Variants in KRT79 observed in about 807,000 individuals in gnomAD.
The protein encoded by KRT79 is keratin, type II cytoskeletal 79.
A neutral mutation model predicts 49.0 loss-of-function variants in KRT79; 51 were observed. That is an observed-to-expected ratio of 1.04 (90% CI 0.83 to 1.31). The LOEUF (loss-of-function observed/expected upper bound fraction) is 1.31. Among genes scored for constraint, KRT79 ranks in the 40% most tolerant of loss-of-function variants. The probability of loss-of-function intolerance (pLI) is 0.00; values close to 1 mark genes in which losing one functional copy is unlikely to be tolerated. For missense variants in KRT79, 728 were observed against 688.0 expected (o/e 1.06, Z -0.65); for synonymous variants, 312 against 286.6 (o/e 1.09, Z -0.90).
At chr12:52,829,907 A>G in intron 4 of KRT79, 116 bp downstream of exon 4, 1 of 853,806 alleles carries the variant, frequency 1.2e-6, no homozygotes, top group Non-Finnish European at 1.9e-6. Flanking sequence ...AAAAGTGTTA[A>G]GGTTTCATCT....
Position 52,833,288 on chromosome 12 carries a change from G to C in KRT79, c.477+496C>G, listed in dbSNP as rs548137979. ...CCCCACCCACACACAACTGTGTTTT[G>C]ATCACATCTTGCCCTTAAGCCTCCT... is the stretch of plus-strand genomic sequence containing the variant. On this transcript the variant is annotated intron_variant, in intron 1 of 8. Transcript: ENST00000330553. 1.6e-4 allele frequency among the ~76,000 whole-genome samples: 24 copies of C among 152,290 alleles called. No homozygotes were observed. The South Asian group carries it at 3.9e-3, about 25-fold the overall frequency.
intron 4 of KRT79, 31 bp from the exon 5 acceptor site, chr12:52,824,393 C>A (rs1333921272): frequency 5.0e-6 from 8 of 1,607,348 alleles, no homozygotes; most frequent in Non-Finnish European, 6.8e-6. Context: ...GCCACCAGCA[C>A]CCCTGCTCCA....
At chr12:52,822,237 G>T in intron 8 of KRT79, 108 bp downstream of exon 8, 2 of 1,329,030 alleles carry the variant, frequency 1.5e-6, no homozygotes, top group Non-Finnish European at 2.1e-6. Flanking sequence ...GTCTCCAGGG[G>T]CTCGAATGGA....
chr12:52,833,650 C>T (rs1300933286), intron 1 of KRT79, 134 bp downstream of exon 1: 2 of 786,556 alleles, frequency 2.5e-6, no homozygotes, highest in Non-Finnish European at 4.4e-6. Flanking sequence ...CAGGCTCAGA[C>T]CGGGAGAGCT....
chr12:52,831,344 T>C, intron 2 of KRT79, 62 bp downstream of exon 2: 1 of 1,502,738 alleles, frequency 6.7e-7, no homozygotes, highest in South Asian at 1.1e-5. Context: ...GTGGCCCTCT[T>C]GGCAGGTTTC....
At chr12:52,833,711 G>T in intron 1 of KRT79, 73 bp downstream of exon 1, 1 of 1,243,386 alleles carries the variant, frequency 8.0e-7, no homozygotes. Context: ...CAGCAGCCCT[G>T]GCCCAGCCCA....
intron 4 of KRT79, 80 bp downstream of exon 4, chr12:52,829,943 A>G: frequency 8.3e-7 from 1 of 1,198,586 alleles, no homozygotes; most frequent in Non-Finnish European, 1.2e-6. Flanking sequence ...GCACTGGTGA[A>G]TTCAGGTCAG....
intron 4 of KRT79, among the ~76,000 whole-genome samples, chr12:52,828,386 G>A (rs1220019828): frequency 2.0e-5 from 3 of 152,192 alleles, no homozygotes; most frequent in Non-Finnish European, 2.9e-5. Context: ...ACAGGACTTT[G>A]TTTTAGGCCC....
intron 4 of KRT79, among the ~76,000 whole-genome samples, chr12:52,826,745 T>A (rs1230173393): frequency 6.6e-6 from 1 of 151,998 alleles, no homozygotes; most frequent in Non-Finnish European, 1.5e-5. Context: ...GAGGCCACCA[T>A]GGAGGCTGCC....
intron 1 of KRT79, 125 bp from the exon 2 acceptor site, chr12:52,831,751 A>G: frequency 1.4e-6 from 1 of 728,024 alleles, no homozygotes. Flanking sequence ...CCGCACCTAC[A>G]CTTTGCTGTG....
intron 6 of KRT79, 72 bp from the exon 7 acceptor site, chr12:52,823,308 G>A (rs917148854): frequency 6.3e-6 from 8 of 1,263,112 alleles, no homozygotes; most frequent in Non-Finnish European, 8.0e-6. Flanking sequence ...CTCAAGCCAT[G>A]GAGACATCAT....
intron 7 of KRT79, 140 bp downstream of exon 7, chr12:52,822,876 A>G (rs1333921783): frequency 6.4e-5 from 49 of 763,232 alleles, no homozygotes; most frequent in South Asian, 2.2e-4. Flanking sequence ...AGTGGGCACA[A>G]GCAGATTTTC....
chr12:52,823,334 G>T, intron 6 of KRT79, 98 bp from the exon 7 acceptor site: 2 of 930,968 alleles, frequency 2.1e-6, no homozygotes, highest in Non-Finnish European at 3.4e-6. Context: ...CCACATCCCT[G>T]CCCCCAACCA....
intron 4 of KRT79, among the ~76,000 whole-genome samples, chr12:52,825,291 C>T (rs1413904740): frequency 6.6e-6 from 1 of 152,238 alleles, no homozygotes; most frequent in African/African-American, 2.4e-5. Context: ...TAAAACCCAA[C>T]ACCTCCCATA....
chr12:52,830,131 G>C lies in KRT79; in HGVS notation c.760-13C>G, dbSNP rs372542311. ...CTGCATCCACATCCTGGGGACGAGA[G>C]AGCAAGACAGATCCTCAGGCCCCAG... On this transcript the variant is annotated splice_polypyrimidine_tract_variant and intron_variant, in intron 3 of 8. Coordinates refer to ENST00000330553, the MANE Select transcript of KRT79 (RefSeq NM_175834.3). The C allele has an allele frequency of 1.9e-6, 3 of 1,613,718 alleles. No homozygotes were observed. The African/African-American group carries it at 4.0e-5, about 22-fold the overall frequency.
intron 7 of KRT79, among the ~76,000 whole-genome samples, chr12:52,822,810 A>G (rs79645587): frequency 0.012 from 1,876 of 152,272 alleles, 37 homozygotes; most frequent in African/African-American, 0.042. Flanking sequence ...CCGGGCTGTC[A>G]GCCACAGTAA....
chr12:52,829,990 A>G, intron 4 of KRT79, 33 bp downstream of exon 4: 1 of 1,578,992 alleles, frequency 6.3e-7, no homozygotes, highest in South Asian at 1.1e-5. Flanking sequence ...TTTATAGTGT[A>G]TGCAAACTCT....
At chr12:52,825,648 T>G (rs866586365) in intron 4 of KRT79, among the ~76,000 whole-genome samples, 2 of 152,214 alleles carry the variant, frequency 1.3e-5, no homozygotes, top group Non-Finnish European at 2.9e-5. Flanking sequence ...TCCATACTGA[T>G]GTAGATGTAG....
intron 7 of KRT79, 100 bp downstream of exon 7, chr12:52,822,916 G>A (rs770299261): frequency 1.7e-6 from 2 of 1,203,192 alleles, no homozygotes; most frequent in African/African-American, 3.1e-5. Flanking sequence ...CTTGCTCCCT[G>A]GTTCCTCTCT....
Sources: gnomAD v4.1 joint callset for allele counts (sites outside exome capture counted in the v4.1 genomes callset) on GRCh38, gnomAD v4.1.1 for gene constraint, MANE v1.5 for transcripts, NCBI Gene and HGNC (gene_info 2026-07-23, HGNC 2026-07-21) for gene names.